The following MOB3B variants were observed in gnomAD, a reference collection of about 807,000 sequenced individuals.
MOB3B encodes the protein MOB kinase activator-like 2B.
In MOB3B, 7 loss-of-function variants were observed where a neutral mutation model predicts 18.7. That is an observed-to-expected ratio of 0.37 (90% CI 0.21 to 0.70). The LOEUF is 0.70. MOB3B is among the 30% of genes least tolerant of loss of function. MOB3B has a pLI of 0.52. For synonymous variants in MOB3B, 111 were observed against 99.9 expected, an observed-to-expected ratio of 1.11 and a Z score of -0.66; for missense variants, 253 against 281.3, an observed-to-expected ratio of 0.90 and a Z score of 0.72.
intron 2 of MOB3B, among the ~76,000 whole-genome samples, chr9:27,427,177 T>C (rs1563866080): frequency 6.6e-6 from 1 of 152,322 alleles, no homozygotes; most frequent in Admixed American, 6.5e-5. Flanking sequence ...AAAGCAGTGC[T>C]AGTTCCATTT....
intron 1 of MOB3B, among the ~76,000 whole-genome samples, chr9:27,478,342 A>G (rs1399053835): frequency 2.0e-5 from 3 of 146,962 alleles, no homozygotes; most frequent in African/African-American, 8.1e-5. Flanking sequence ...AGCACCTCTA[A>G]GAACTTACAG....
chr9:27,330,735 T>C (rs1820774858), intron 3 of MOB3B, 119 bp from the exon 4 acceptor site: 5 of 1,447,626 alleles, frequency 3.5e-6, no homozygotes, highest in Non-Finnish European at 4.7e-6. Flanking sequence ...CTTGCAAGCA[T>C]GGTCCATGAA....
At chr9:27,350,541 G>A (rs1375325532) in intron 3 of MOB3B, among the ~76,000 whole-genome samples, 1 of 152,116 alleles carries the variant, frequency 6.6e-6, no homozygotes, top group Non-Finnish European at 1.5e-5. Context: ...TAAACTAGAA[G>A]CAAAAGTTCT....
intron 3 of MOB3B, among the ~76,000 whole-genome samples, chr9:27,355,621 G>A (rs1286113951): frequency 2.0e-5 from 3 of 148,584 alleles, no homozygotes; most frequent in Admixed American, 6.7e-5. Context: ...CTGCAGTGGC[G>A]TGATCTCGGC....
intron 2 of MOB3B, among the ~76,000 whole-genome samples, chr9:27,423,919 G>T (rs1202315474): frequency 6.6e-6 from 1 of 152,152 alleles, no homozygotes; most frequent in Non-Finnish European, 1.5e-5. Flanking sequence ...GTGCTAATCT[G>T]CCCACTTTAC....
intron 1 of MOB3B, among the ~76,000 whole-genome samples, chr9:27,523,146 A>T (rs528207459): frequency 6.6e-6 from 1 of 152,270 alleles, no homozygotes; most frequent in East Asian, 1.9e-4. Context: ...AAGATATAAT[A>T]AGCTACCTTT....
chr9:27,515,274 A>G (rs940484527), intron 1 of MOB3B, among the ~76,000 whole-genome samples: 3 of 152,158 alleles, frequency 2.0e-5, no homozygotes, highest in East Asian at 1.9e-4. Context: ...ATGGTTTCAA[A>G]TTATTTTGAG....
At chr9:27,349,516 G>A (rs1224443336) in intron 3 of MOB3B, among the ~76,000 whole-genome samples, 1 of 152,104 alleles carries the variant, frequency 6.6e-6, no homozygotes, top group African/African-American at 2.4e-5. Context: ...CCAAAATTTG[G>A]CAGGCTTATA....
At chr9:27,389,568 C>A (rs1821696885) in intron 2 of MOB3B, among the ~76,000 whole-genome samples, 1 of 152,170 alleles carries the variant, frequency 6.6e-6, no homozygotes, top group African/African-American at 2.4e-5. Flanking sequence ...TGGCTATAAT[C>A]ATGGTTTTCT....
chr9:27,382,140 T>G (rs574719906), intron 2 of MOB3B, among the ~76,000 whole-genome samples: 1 of 152,348 alleles, frequency 6.6e-6, no homozygotes, highest in South Asian at 2.1e-4. Flanking sequence ...GACATTTGTA[T>G]GTGTTGACAG....
intron 1 of MOB3B, among the ~76,000 whole-genome samples, chr9:27,524,133 G>T (rs1418106117): frequency 7.5e-6 from 1 of 133,920 alleles, no homozygotes; most frequent in Non-Finnish European, 1.6e-5. Context: ...TTCCAAAGTC[G>T]GCATAGTCAC....
chr9:27,380,008 T>C (rs1821552760), intron 2 of MOB3B, among the ~76,000 whole-genome samples: 1 of 152,106 alleles, frequency 6.6e-6, no homozygotes, highest in Non-Finnish European at 1.5e-5. Context: ...GACACAACGG[T>C]TAAAACATTA....
chr9:27,379,371 T>C (rs1821540051), intron 2 of MOB3B, among the ~76,000 whole-genome samples: 2 of 152,166 alleles, frequency 1.3e-5, no homozygotes, highest in Non-Finnish European at 2.9e-5. Context: ...AAGAGACAGC[T>C]AGCTGTGGGG....
intron 2 of MOB3B, among the ~76,000 whole-genome samples, chr9:27,385,398 G>A (rs1270115480): frequency 6.6e-6 from 1 of 152,156 alleles, no homozygotes. Context: ...GGTAGGTCAG[G>A]ACTGACTGGT....
intron 3 of MOB3B, among the ~76,000 whole-genome samples, chr9:27,341,008 A>G (rs1820932723): frequency 6.6e-6 from 1 of 152,236 alleles, no homozygotes; most frequent in East Asian, 1.9e-4. Context: ...AACAGATTTC[A>G]GCATGGCCCA....
intron 1 of MOB3B, among the ~76,000 whole-genome samples, chr9:27,496,888 A>G (rs536087044): frequency 6.6e-6 from 1 of 152,320 alleles, no homozygotes; most frequent in East Asian, 1.9e-4. Context: ...CCCAGCAGAC[A>G]TTTATGTTTT....
chr9:27,522,701 G>C (rs748543774), intron 1 of MOB3B, among the ~76,000 whole-genome samples: 1 of 151,766 alleles, frequency 6.6e-6, no homozygotes, highest in Non-Finnish European at 1.5e-5. Flanking sequence ...ATTATTTCTG[G>C]GGAATCAGTT....
intron 2 of MOB3B, among the ~76,000 whole-genome samples, chr9:27,401,587 C>T (rs1821880228): frequency 1.3e-5 from 2 of 152,212 alleles, no homozygotes; most frequent in Non-Finnish European, 2.9e-5. Context: ...AAAACTTGCC[C>T]TACAAGTACA....
At chr9:27,434,243 T>A (rs751761902) in intron 2 of MOB3B, among the ~76,000 whole-genome samples, 16 of 152,196 alleles carry the variant, frequency 1.1e-4, no homozygotes, top group Non-Finnish European at 2.2e-4. Flanking sequence ...ACCTACAATA[T>A]ACTTGTCTTT....
Sources: gnomAD v4.1 joint callset for allele counts (sites outside exome capture counted in the v4.1 genomes callset) on GRCh38, gnomAD v4.1.1 for gene constraint, MANE v1.5 for transcripts, NCBI Gene and HGNC (gene_info 2026-07-23, HGNC 2026-07-21) for gene names.